The following CALY variants were observed in gnomAD, a reference collection of about 807,000 sequenced individuals.
CALY encodes calcyon neuron specific vesicular protein.
In CALY, 15 loss-of-function variants were observed where a neutral mutation model predicts 20.2. The observed-to-expected ratio is 0.74, with a 90% CI of 0.50 to 1.14. The LOEUF is 1.14. CALY is among the 50% of genes most tolerant of loss of function. The pLI, the probability that CALY is intolerant of heterozygous loss-of-function variation, is 0.00. For missense variants in CALY, 270 were observed against 304.4 expected, an observed-to-expected ratio of 0.89 and a Z score of 0.84; for synonymous variants, 129 against 131.8, an observed-to-expected ratio of 0.98 and a Z score of 0.15.
chr10:133,327,568 A>G, intron 3 of CALY: 1 of 583,934 alleles, frequency 1.7e-6, no homozygotes. Context: ...TACTGCAGAA[A>G]GGAAGTATTA....
At chr10:133,329,390 TTC>T (rs1353968419) in intron 1 of CALY, among the ~76,000 whole-genome samples, 8 of 112,172 alleles carry the variant, frequency 7.1e-5, no homozygotes, top group East Asian at 6.4e-4. Context: ...CTTCTTCTTC[TTC>T]TTTTTTTTTT....
Position 133,325,371 on chromosome 10 carries a change from G to A in CALY, c.*224C>T, listed in dbSNP as rs999772724. ...GCCTCACTCACAACTGGCGGGGTGG[G>A]GGGCGGGAGAAAGGCCAGCCCGGCA... On this transcript the variant is annotated 3_prime_UTR_variant, in exon 6 of 6. Transcript: ENST00000252939. 3 of 153,066 alleles carry A rather than the reference G, an allele frequency of 2.0e-5. No individual in the cohort carries two copies. Among genetic ancestry groups the A allele is most frequent in the Non-Finnish European group, 4.4e-5 (3 of 68,766 alleles). 9.5% of individuals were successfully genotyped at this position (153,066 alleles called of 1,614,324 possible). A position where few individuals can be genotyped will look rare whatever the true frequency, so the allele number is the denominator to read the frequency against.
intron 1 of CALY, among the ~76,000 whole-genome samples, chr10:133,335,811 G>A (rs978885136): frequency 6.6e-6 from 1 of 152,190 alleles, no homozygotes; most frequent in East Asian, 1.9e-4. Context: ...CGCTCTGGCA[G>A]GGAGGCAGTG....
intron 3 of CALY, 144 bp downstream of exon 3, chr10:133,327,761 G>A: frequency 1.4e-6 from 1 of 721,608 alleles, no homozygotes; most frequent in Non-Finnish European, 2.6e-6. Flanking sequence ...GCCAGCTCTG[G>A]GCGGGATGAC....
At position 133,329,392 on chromosome 10, in the gene CALY, C is replaced by T. The variant is rs12241024; in HGVS notation, c.-20-383G>A. On this transcript the variant is annotated intron_variant, in intron 1 of 5. Transcript: ENST00000252939. ...TCTTATTCTCCTTCTTCTTCTTCTT[C>T]TTTTTTTTTTTTGAGACAGGATCTT... Among the ~76,000 whole-genome samples the T allele has an allele frequency of 3.1e-3, 429 of 137,314 alleles. 2 individuals carry two copies. Among genetic ancestry groups the T allele is most frequent in the African/African-American group, 0.011 (376 of 34,412 alleles). The allele number at this position is 137,314 out of a possible 152,430, so 90.1% of individuals were successfully genotyped here.
At chr10:133,329,376 C>CCTTCTTCTTCTT (rs148539604) in intron 1 of CALY, among the ~76,000 whole-genome samples, 3 of 142,704 alleles carry the variant, frequency 2.1e-5, no homozygotes, top group Non-Finnish European at 3.0e-5. Context: ...TTCTTATTCT[C>CCTTCTTCTTCTT]CTTCTTCTTC....
intron 4 of CALY, 94 bp downstream of exon 4, chr10:133,326,784 C>T (rs1848220006): frequency 2.7e-6 from 2 of 748,688 alleles, no homozygotes; most frequent in Admixed American, 2.1e-5. Context: ...ACCACGTTCC[C>T]CCAGCAGCAG....
At chr10:133,335,233 C>T (rs1280868134) in intron 1 of CALY, among the ~76,000 whole-genome samples, 2 of 151,996 alleles carry the variant, frequency 1.3e-5, no homozygotes, top group Non-Finnish European at 2.9e-5. Flanking sequence ...GAGCGGACGC[C>T]CAGAGCAAGC....
intron 3 of CALY, 40 bp downstream of exon 3, chr10:133,327,865 T>C: frequency 1.5e-6 from 2 of 1,367,222 alleles, no homozygotes; most frequent in Non-Finnish European, 2.1e-6. Flanking sequence ...CTTCTCCTCC[T>C]GTCCTGAGTC....
chr10:133,331,239 C>T (rs986534427), intron 1 of CALY, among the ~76,000 whole-genome samples: 5 of 152,168 alleles, frequency 3.3e-5, no homozygotes, highest in East Asian at 1.9e-4. Flanking sequence ...CCTCGATCTG[C>T]GGTTCTACAA....
At chr10:133,334,658 T>G (rs939504860) in intron 1 of CALY, among the ~76,000 whole-genome samples, 2 of 149,234 alleles carry the variant, frequency 1.3e-5, no homozygotes, top group Non-Finnish European at 3.0e-5. Context: ...GGTGGCAGCT[T>G]CTGCGTGGGG....
At chr10:133,327,330 A>G (rs1370506452) in intron 3 of CALY, 1 of 492,096 alleles carries the variant, frequency 2.0e-6, no homozygotes. Context: ...GCCTCAGGGG[A>G]GTCGGAGGCT....
At chr10:133,332,345 C>G (rs1336919909) in intron 1 of CALY, among the ~76,000 whole-genome samples, 2 of 152,208 alleles carry the variant, frequency 1.3e-5, no homozygotes, top group Non-Finnish European at 2.9e-5. Context: ...TCACATTACA[C>G]AGAGAAGTCT....
intron 1 of CALY, among the ~76,000 whole-genome samples, chr10:133,331,996 A>G (rs1848316896): frequency 6.6e-6 from 1 of 152,146 alleles, no homozygotes; most frequent in South Asian, 2.1e-4. Flanking sequence ...GCATGGTGGT[A>G]CACGCCTATA....
intron 1 of CALY, among the ~76,000 whole-genome samples, chr10:133,330,639 CAGAG>C (rs1357795527): frequency 3.0e-5 from 3 of 100,382 alleles, no homozygotes; most frequent in Non-Finnish European, 3.7e-5. Context: ...GCCTGGGTGA[CAGAG>C]AGAGACTCCG....
chr10:133,336,626 G>A (rs1211078592), intron 1 of CALY, among the ~76,000 whole-genome samples: 1 of 152,188 alleles, frequency 6.6e-6, no homozygotes, highest in Non-Finnish European at 1.5e-5. Context: ...CCCGAGGGAG[G>A]AGGGCGGCCG....
chr10:133,328,015 C>T lies in CALY; in HGVS notation c.136G>A (p.Val46Met), dbSNP rs142408423. Residue 46 changes from valine to methionine, a missense_variant and splice_region_variant, in exon 3 of 6, where the codon GTG becomes ATG. Coordinates refer to ENST00000252939, the MANE Select transcript of CALY (RefSeq NM_015722.4). ...SQLQPPLPDQ[V>M]VIKTQTEYQL... is the part of the protein sequence containing the mutation. ...TATTCTGTCTGTGTCTTGATGACCA[C>T]CTGTGAAAAGAGATGGCCATGGCCT... 888 of 1,595,858 alleles carry T rather than the reference C, an allele frequency of 5.6e-4. 2 individuals carry two copies. The highest frequency in any genetic ancestry group is 6.7e-4 in the Non-Finnish European group (784 of 1,166,274).
At chr10:133,327,728 GT>G in intron 3 of CALY, 176 bp downstream of exon 3, 1 of 701,364 alleles carries the variant, frequency 1.4e-6, no homozygotes, top group East Asian at 2.7e-5. Flanking sequence ...AGGGGGCCTG[GT>G]GGGTGCAGGG....
intron 3 of CALY, 82 bp from the exon 4 acceptor site, chr10:133,327,073 C>T (rs1209595559): frequency 3.2e-6 from 3 of 930,828 alleles, no homozygotes; most frequent in Non-Finnish European, 5.1e-6. Context: ...TGGGCTGGCA[C>T]AGGACCATCC....
Sources: allele counts gnomAD v4.1 joint callset (sites outside exome capture counted in the v4.1 genomes callset), GRCh38; gene constraint gnomAD v4.1.1; transcripts MANE v1.5; gene names NCBI Gene and HGNC (gene_info 2026-07-23, HGNC 2026-07-21).